Variants in HYCC2 observed in about 807,000 individuals in gnomAD.
HYCC2 encodes hyccin PI4KA lipid kinase complex subunit 2, also known as hyccin 2.
chr2:201,046,028 A>C, the HYCC2 span, among the ~76,000 whole-genome samples: 1 of 152,192 alleles, frequency 6.6e-6, no homozygotes, highest in African/African-American at 2.4e-5. Flanking sequence ...CGTAATATGC[A>C]GTATAAAACC....
At chr2:201,008,864 C>T in the HYCC2 span, 1 of 702,844 alleles carries the variant, frequency 1.4e-6, no homozygotes, top group East Asian at 2.8e-5. Flanking sequence ...TGGCTACAAA[C>T]TACATTCCAG....
chr2:201,036,754 T>A, the HYCC2 span, among the ~76,000 whole-genome samples: 1 of 152,086 alleles, frequency 6.6e-6, no homozygotes, highest in African/African-American at 2.4e-5. Flanking sequence ...CTCAAAATAA[T>A]AAGAGCTATC....
the HYCC2 span, among the ~76,000 whole-genome samples, chr2:200,988,017 A>C: frequency 6.6e-6 from 1 of 152,156 alleles, no homozygotes; most frequent in Non-Finnish European, 1.5e-5. Context: ...TATTTAGTTC[A>C]AAAAAAGACA....
chr2:201,063,999 G>C, the HYCC2 span: 11 of 1,597,290 alleles, frequency 6.9e-6, no homozygotes, highest in African/African-American at 1.1e-4. Context: ...AACTAAGGTG[G>C]CTATGGCGGT....
the HYCC2 span, chr2:200,976,184 A>C: frequency 6.6e-6 from 1 of 152,174 alleles, no homozygotes; most frequent in Admixed American, 6.5e-5. Flanking sequence ...ATAATCTTCA[A>C]CTTGAAAGAA....
At chr2:200,992,036 G>A in the HYCC2 span, among the ~76,000 whole-genome samples, 1 of 152,024 alleles carries the variant, frequency 6.6e-6, no homozygotes, top group Non-Finnish European at 1.5e-5. Context: ...TGAATATTTA[G>A]AACCTTTTCT....
the HYCC2 span, among the ~76,000 whole-genome samples, chr2:201,032,159 A>C: frequency 6.6e-6 from 1 of 151,936 alleles, no homozygotes; most frequent in Non-Finnish European, 1.5e-5. Context: ...ATGGGGTTTC[A>C]CCATGTTGCC....
the HYCC2 span, chr2:201,045,433 A>T: frequency 2.5e-6 from 1 of 397,310 alleles, no homozygotes; most frequent in Non-Finnish European, 4.4e-6. Flanking sequence ...AAAAATGCTA[A>T]CATGTCTAAT....
chr2:201,006,130 C>CT, the HYCC2 span, among the ~76,000 whole-genome samples: 7,596 of 118,282 alleles, frequency 0.064, 400 homozygotes, highest in African/African-American at 0.14. Context: ...TCGCGCCTGG[C>CT]TTTTTTTTTT....
At chr2:201,024,756 G>A in the HYCC2 span, among the ~76,000 whole-genome samples, 1 of 152,042 alleles carries the variant, frequency 6.6e-6, no homozygotes. Flanking sequence ...TCAGCAAACT[G>A]AATATAAACA....
chr2:201,056,731 C>T, the HYCC2 span, among the ~76,000 whole-genome samples: 33 of 151,050 alleles, frequency 2.2e-4, no homozygotes, highest in South Asian at 2.1e-4. Context: ...CCAGCAAATT[C>T]GGTGGTATTC....
At chr2:201,050,889 C>T in the HYCC2 span, among the ~76,000 whole-genome samples, 9 of 151,970 alleles carry the variant, frequency 5.9e-5, no homozygotes, top group Admixed American at 2.0e-4. Context: ...GAGCTGAGAT[C>T]GCACCACTGC....
chr2:200,975,129 G>A, the HYCC2 span: 1 of 151,916 alleles, frequency 6.6e-6, no homozygotes, highest in Non-Finnish European at 1.5e-5. Flanking sequence ...GGGTACTTTT[G>A]CTGGAAGTGT....
the HYCC2 span, chr2:200,992,945 G>T: frequency 3.1e-6 from 5 of 1,613,594 alleles, no homozygotes; most frequent in East Asian, 2.2e-5. Flanking sequence ...AATACTATTC[G>T]ACCACAGAGT....
At chr2:200,997,360 G>A in the HYCC2 span, 1 of 976,268 alleles carries the variant, frequency 1.0e-6, no homozygotes, top group East Asian at 2.4e-5. Context: ...AATACCAGAA[G>A]TTAGAACAGT....
chr2:201,054,262 G>C, the HYCC2 span, among the ~76,000 whole-genome samples: 5 of 152,190 alleles, frequency 3.3e-5, no homozygotes, highest in African/African-American at 9.7e-5. Flanking sequence ...GCAAGCTTGA[G>C]CTTGGTTTCT....
At chr2:201,008,784 G>A in the HYCC2 span, among the ~76,000 whole-genome samples, 1 of 152,146 alleles carries the variant, frequency 6.6e-6, no homozygotes, top group Non-Finnish European at 1.5e-5. Context: ...TGTAGTCCTA[G>A]CTACTTGGAA....
At chr2:201,011,954 A>T in the HYCC2 span, among the ~76,000 whole-genome samples, 1,170 of 152,364 alleles carry the variant, frequency 7.7e-3, 18 homozygotes, top group African/African-American at 0.027. Context: ...TATAATTGAC[A>T]AATGAACATT....
the HYCC2 span, chr2:200,978,713 G>A: frequency 6.6e-6 from 1 of 152,050 alleles, no homozygotes; most frequent in Admixed American, 6.6e-5. Flanking sequence ...CTGACCTCAT[G>A]ATTCACCCAC....
Sources: gnomAD v4.1 joint callset for allele counts (sites outside exome capture counted in the v4.1 genomes callset) on GRCh38, gnomAD v4.1.1 for gene constraint, MANE v1.5 for transcripts, NCBI Gene and HGNC (gene_info 2026-07-23, HGNC 2026-07-21) for gene names.